The following SMPX variants were observed in gnomAD, a reference collection of about 807,000 sequenced individuals.
SMPX encodes the protein small muscle protein X-linked, also known as small muscular protein.
SMPX carries 2 observed loss-of-function variants against 6.3 expected under a neutral mutation model. The ratio of observed to expected loss-of-function variants is 0.32; its 90% CI spans 0.13 to 0.99. The LOEUF (loss-of-function observed/expected upper bound fraction) is 0.99, where lower values mean the gene tolerates loss of function less well. Among genes scored for constraint, SMPX ranks in the 50% least tolerant of loss-of-function variants. The probability of loss-of-function intolerance (pLI) is 0.49; values close to 1 mark genes in which losing one functional copy is unlikely to be tolerated. For synonymous variants in SMPX, 32 were observed against 24.7 expected (o/e 1.30, Z -0.88); for missense variants, 60 against 66.8 (o/e 0.90, Z 0.36).
At chrX:21,736,088 T>A (rs2092810164) in intron 4 of SMPX, among the ~76,000 whole-genome samples, 1 of 112,410 alleles carries the variant, frequency 8.9e-6, no homozygotes, top group Non-Finnish European at 1.9e-5. Context: ...AAACACCAGA[T>A]ACTATTGTTT....
intron 4 of SMPX, among the ~76,000 whole-genome samples, chrX:21,734,093 T>A (rs1478049203): frequency 1.8e-5 from 2 of 112,408 alleles, no homozygotes; most frequent in Non-Finnish European, 3.8e-5. Context: ...TCTTGAATTG[T>A]TAGCTACCTT....
intron 4 of SMPX, among the ~76,000 whole-genome samples, chrX:21,721,807 A>G (rs1006888336): frequency 3.6e-5 from 4 of 112,593 alleles, no homozygotes; most frequent in African/African-American, 1.3e-4. Flanking sequence ...AAGGCTGGAC[A>G]ACTGAGTTGT....
intron 4 of SMPX, among the ~76,000 whole-genome samples, chrX:21,708,058 T>C (rs138361521): frequency 0.013 from 1,457 of 113,007 alleles, 16 homozygotes; most frequent in African/African-American, 0.044. Context: ...TTGAACACTA[T>C]TTACACATTT....
At chrX:21,706,931 C>T (rs1442804083) in intron 4 of SMPX, among the ~76,000 whole-genome samples, 1 of 110,351 alleles carries the variant, frequency 9.1e-6, no homozygotes, top group Non-Finnish European at 1.9e-5. Flanking sequence ...GCCTTCCCAG[C>T]CCTGCAGAAT....
At chrX:21,747,964 T>A (rs1356138240) in intron 2 of SMPX, among the ~76,000 whole-genome samples, 1 of 112,091 alleles carries the variant, frequency 8.9e-6, no homozygotes, top group African/African-American at 3.2e-5. Flanking sequence ...CATTATTTCT[T>A]TCTGCTCTTT....
At chrX:21,731,481 T>TAATGTGTG (rs1416099729) in intron 4 of SMPX, among the ~76,000 whole-genome samples, 12 of 76,384 alleles carry the variant, frequency 1.6e-4, no homozygotes, top group African/African-American at 6.1e-4. Context: ...CACATACACA[T>TAATGTGTG]TATGTGTGTA....
intron 2 of SMPX, among the ~76,000 whole-genome samples, chrX:21,751,038 C>T (rs1347991702): frequency 8.9e-6 from 1 of 112,182 alleles, no homozygotes; most frequent in Non-Finnish European, 1.9e-5. Context: ...TGCATTAACT[C>T]GACTCCTGAA....
chrX:21,745,069 A>AC (rs1374603380), intron 2 of SMPX, among the ~76,000 whole-genome samples: 1 of 111,430 alleles, frequency 9.0e-6, no homozygotes, highest in Non-Finnish European at 1.9e-5. Flanking sequence ...GCTTTAAAAC[A>AC]CCCCATCCTT....
intron 2 of SMPX, among the ~76,000 whole-genome samples, chrX:21,746,657 T>G (rs1014395592): frequency 9.3e-6 from 1 of 107,534 alleles, no homozygotes; most frequent in East Asian, 2.9e-4. Flanking sequence ...TGGGTTTTTT[T>G]TTTTTTTTTT....
chrX:21,725,604 T>G (rs899095370), intron 4 of SMPX, among the ~76,000 whole-genome samples: 4 of 112,357 alleles, frequency 3.6e-5, no homozygotes, highest in Non-Finnish European at 7.5e-5. Flanking sequence ...GTTTGTAATT[T>G]TGCTGTCTTG....
At chrX:21,726,986 A>G (rs1304466424) in intron 4 of SMPX, among the ~76,000 whole-genome samples, 2 of 112,057 alleles carry the variant, frequency 1.8e-5, no homozygotes, top group Admixed American at 1.9e-4. Flanking sequence ...TTTCTTCTTC[A>G]TTCCTGCTGC....
chrX:21,707,317 G>A (rs977870266), intron 4 of SMPX, among the ~76,000 whole-genome samples: 1 of 111,722 alleles, frequency 9.0e-6, no homozygotes, highest in East Asian at 2.8e-4. Context: ...AGTCAACATT[G>A]AAGACCCCAT....
chrX:21,722,562 C>G (rs1182873443), intron 4 of SMPX, among the ~76,000 whole-genome samples: 2 of 112,146 alleles, frequency 1.8e-5, no homozygotes, highest in African/African-American at 6.5e-5. Context: ...TGAACTGTAA[C>G]AGTGTCAGCA....
intron 4 of SMPX, among the ~76,000 whole-genome samples, chrX:21,719,941 GAAAGA>G (rs1322987881): frequency 1.6e-4 from 18 of 112,115 alleles, no homozygotes; most frequent in African/African-American, 5.8e-4. Context: ...CAGGAGGGGT[GAAAGA>G]AAAGCAAATA....
chrX:21,742,739 T>C (rs1228172909), intron 3 of SMPX, among the ~76,000 whole-genome samples: 1 of 112,117 alleles, frequency 8.9e-6, no homozygotes, highest in Non-Finnish European at 1.9e-5. Flanking sequence ...ACATCAGGAA[T>C]ATTCACAGGA....
chrX:21,757,836 C>A, intron 1 of SMPX, 106 bp downstream of exon 1: 3 of 285,251 alleles, frequency 1.1e-5, no homozygotes, highest in South Asian at 6.5e-5. Flanking sequence ...GGAAGCTACA[C>A]CCACTGGTTA....
At chrX:21,707,468 T>C (rs1230477609) in intron 4 of SMPX, among the ~76,000 whole-genome samples, 1 of 111,940 alleles carries the variant, frequency 8.9e-6, no homozygotes, top group Non-Finnish European at 1.9e-5. Flanking sequence ...TTAGAGTATA[T>C]TGTTAGTCTT....
chrX:21,720,914 G>A lies in SMPX; in HGVS notation c.*15-14520C>T, dbSNP rs188640247. Among the ~76,000 whole-genome samples the A allele has an allele frequency of 1.8e-3, 204 of 112,446 alleles. No individual in the cohort carries two copies. In the Middle Eastern group the frequency reaches 0.018, roughly 10 times the overall value. On this transcript the variant is annotated intron_variant, in intron 4 of 4. Transcript: ENST00000379494. ...AGAGACTGAATTTGTTAAAAGAAAC[G>A]CCAATGGAATGGGCACTTATTTGGG...
At chrX:21,708,274 G>A (rs1350174755) in intron 4 of SMPX, among the ~76,000 whole-genome samples, 1 of 112,353 alleles carries the variant, frequency 8.9e-6, no homozygotes, top group African/African-American at 3.2e-5. Context: ...TACAAAGGCT[G>A]GTGAGTGAAA....
Sources: gnomAD v4.1 joint callset for allele counts (sites outside exome capture counted in the v4.1 genomes callset) on GRCh38, gnomAD v4.1.1 for gene constraint, MANE v1.5 for transcripts, NCBI Gene and HGNC (gene_info 2026-07-23, HGNC 2026-07-21) for gene names.